Variants in C1orf87 observed in about 807,000 individuals in gnomAD.
C1orf87 encodes the protein uncharacterized protein C1orf87.
C1orf87 carries 58 observed loss-of-function variants against 60.5 expected under a neutral mutation model. The observed-to-expected ratio is 0.96, with a 90% CI of 0.78 to 1.19. C1orf87 has a LOEUF of 1.19. Among genes scored for constraint, C1orf87 ranks in the 50% most tolerant of loss-of-function variants. C1orf87 has a pLI of 0.00. For synonymous variants in C1orf87, 236 were observed against 227.4 expected, an observed-to-expected ratio of 1.04 and a Z score of -0.34; for missense variants, 673 against 638.6, an observed-to-expected ratio of 1.05 and a Z score of -0.58.
At chr1:60,073,428 G>A (rs1458073602) in intron 1 of C1orf87, among the ~76,000 whole-genome samples, 2 of 152,162 alleles carry the variant, frequency 1.3e-5, no homozygotes, top group Non-Finnish European at 2.9e-5. Context: ...CAGAGAGGGT[G>A]TGTTATTTGA....
intron 8 of C1orf87, among the ~76,000 whole-genome samples, chr1:60,011,138 T>C (rs1187282416): frequency 6.6e-6 from 1 of 152,056 alleles, no homozygotes; most frequent in Non-Finnish European, 1.5e-5. Flanking sequence ...AGTCAGTGAA[T>C]TCCCAAGTGG....
chr1:60,001,502 C>T (rs1645004419), intron 9 of C1orf87, among the ~76,000 whole-genome samples: 1 of 152,070 alleles, frequency 6.6e-6, no homozygotes, highest in Non-Finnish European at 1.5e-5. Flanking sequence ...GGAAGTGACA[C>T]AAATTCGCAA....
At chr1:60,055,603 A>C (rs1645449001) in intron 2 of C1orf87, among the ~76,000 whole-genome samples, 165 bp from the exon 3 acceptor site, 2 of 152,218 alleles carry the variant, frequency 1.3e-5, no homozygotes, top group African/African-American at 4.8e-5. Flanking sequence ...CATTGACCAT[A>C]GAGAGAACAT....
intron 8 of C1orf87, among the ~76,000 whole-genome samples, chr1:60,012,927 T>C (rs967722082): frequency 2.6e-5 from 4 of 152,182 alleles, no homozygotes; most frequent in East Asian, 1.9e-4. Flanking sequence ...CGCAGTTCCA[T>C]GGACACAGCT....
At chr1:60,069,172 G>A (rs888807574) in intron 2 of C1orf87, among the ~76,000 whole-genome samples, 2 of 152,204 alleles carry the variant, frequency 1.3e-5, no homozygotes, top group African/African-American at 4.8e-5. Context: ...GCAGGCAAAT[G>A]TGGGTCTGGT....
intron 3 of C1orf87, among the ~76,000 whole-genome samples, chr1:60,051,490 T>G (rs1317831090): frequency 6.6e-6 from 1 of 152,134 alleles, no homozygotes; most frequent in Non-Finnish European, 1.5e-5. Flanking sequence ...CTCGCTGGAT[T>G]CAGAACAAGA....
At chr1:60,067,948 C>T (rs1645559794) in intron 2 of C1orf87, among the ~76,000 whole-genome samples, 1 of 152,030 alleles carries the variant, frequency 6.6e-6, no homozygotes, top group African/African-American at 2.4e-5. Flanking sequence ...CATGGCTAGC[C>T]AGTTTTCCCA....
At chr1:60,037,424 G>C (rs1645285662) in intron 6 of C1orf87, among the ~76,000 whole-genome samples, 1 of 152,214 alleles carries the variant, frequency 6.6e-6, no homozygotes, top group African/African-American at 2.4e-5. Context: ...GTTCACAGGG[G>C]TGAGAAGTGC....
At chr1:60,010,809 T>C (rs7511882) in intron 8 of C1orf87, 3,204 of 159,466 alleles carry the variant, frequency 0.02, 88 homozygotes, top group African/African-American at 0.073. Context: ...CACTGGAAAA[T>C]GAAACAAAAA....
intron 11 of C1orf87, among the ~76,000 whole-genome samples, chr1:59,994,624 A>G (rs972199605): frequency 1.6e-4 from 24 of 151,364 alleles, no homozygotes; most frequent in African/African-American, 4.9e-4. Context: ...TATCTTAACC[A>G]CTGTTTTTTT....
At position 60,039,986 on chromosome 1, in the gene C1orf87, T is replaced by A. The variant is rs1472310093; in HGVS notation, c.678A>T (p.Glu226Asp). 17 of 1,614,034 alleles carry A rather than the reference T, an allele frequency of 1.1e-5. No homozygotes were observed. The highest frequency in any genetic ancestry group is 1.7e-5 in the Admixed American group (1 of 59,998). ...SQLSRLFLKH[E>D]VPLQLPTVKI... ...TAACTGTTGGTAACTGTAGAGGGAC[T>A]TCATGCTTCAAAAAGAGGCGGCTCA... Residue 226 changes from glutamate to aspartate, a missense_variant, in exon 5 of 12, where the codon GAA becomes GAT. By Grantham distance (45) the Glu-to-Asp change is conservative (BLOSUM62 2). Transcript: ENST00000371201.
At chr1:60,040,850 C>A (rs1462646324) in intron 4 of C1orf87, 141 bp downstream of exon 4, 10 of 854,114 alleles carry the variant, frequency 1.2e-5, no homozygotes, top group Non-Finnish European at 1.6e-5. Context: ...AGCTTGGCTT[C>A]TCAAAGTGCT....
chr1:60,064,344 A>ATATATAAATT (rs1645520437), intron 2 of C1orf87, among the ~76,000 whole-genome samples: 2 of 138,686 alleles, frequency 1.4e-5, no homozygotes, highest in South Asian at 2.2e-4. Context: ...CTATATATGT[A>ATATATAAATT]ATATATGTAA....
chr1:60,000,860 GT>G (rs1644997891), intron 10 of C1orf87, among the ~76,000 whole-genome samples: 1 of 151,918 alleles, frequency 6.6e-6, no homozygotes. Flanking sequence ...ATGGCAATAG[GT>G]TTCTGCAAAC....
intron 7 of C1orf87, among the ~76,000 whole-genome samples, chr1:60,029,510 T>C (rs1464504716): frequency 6.6e-6 from 1 of 152,138 alleles, no homozygotes; most frequent in Non-Finnish European, 1.5e-5. Context: ...TGGCTCCTAC[T>C]TTCCATTCTA....
chr1:60,040,892 C>T (rs1394971503), intron 4 of C1orf87, 99 bp downstream of exon 4: 2 of 1,364,392 alleles, frequency 1.5e-6, no homozygotes, highest in African/African-American at 2.9e-5. Flanking sequence ...TATGACCAGC[C>T]CTCAGACCAA....
intron 8 of C1orf87, among the ~76,000 whole-genome samples, chr1:60,017,913 CTCA>C (rs1645135310): frequency 6.6e-6 from 1 of 152,210 alleles, no homozygotes; most frequent in Non-Finnish European, 1.5e-5. Context: ...AATTGCTCCT[CTCA>C]TCAACTCTCA....
At chr1:60,012,821 G>A (rs1645097612) in intron 8 of C1orf87, among the ~76,000 whole-genome samples, 1 of 152,088 alleles carries the variant, frequency 6.6e-6, no homozygotes, top group African/African-American at 2.4e-5. Context: ...CTTGTCCAAA[G>A]GCACATGGAT....
At chr1:60,012,218 C>T (rs2194943) in intron 8 of C1orf87, among the ~76,000 whole-genome samples, 1 of 151,588 alleles carries the variant, frequency 6.6e-6, no homozygotes, top group African/African-American at 2.4e-5. Flanking sequence ...CAACAAAAAC[C>T]TAGATCCATT....
Sources: gnomAD v4.1 joint callset for allele counts (sites outside exome capture counted in the v4.1 genomes callset) on GRCh38, gnomAD v4.1.1 for gene constraint, MANE v1.5 for transcripts, NCBI Gene and HGNC (gene_info 2026-07-23, HGNC 2026-07-21) for gene names.